The following GARIN2 variants were observed in gnomAD, a reference collection of about 807,000 sequenced individuals.
The protein encoded by GARIN2 is Golgi-associated RAB2 interactor protein 2.
chr14:67,203,003 T>C, the GARIN2 span: 1 of 1,340,514 alleles, frequency 7.5e-7, no homozygotes, highest in Non-Finnish European at 1.0e-6. Flanking sequence ...CCTCCTTTAT[T>C]TCCTACCCTC....
the GARIN2 span, chr14:67,200,151 C>T: frequency 8.7e-7 from 1 of 1,151,562 alleles, no homozygotes; most frequent in Non-Finnish European, 1.2e-6. Flanking sequence ...CCATGGGTCA[C>T]CCAGGTCCTA....
chr14:67,208,497 T>G, the GARIN2 span: 1 of 1,574,606 alleles, frequency 6.4e-7, no homozygotes, highest in South Asian at 1.2e-5. Flanking sequence ...CATGAAATAT[T>G]AATAAAGAAA....
chr14:67,218,081 G>A, the GARIN2 span, among the ~76,000 whole-genome samples: 1 of 152,178 alleles, frequency 6.6e-6, no homozygotes, highest in Admixed American at 6.5e-5. Context: ...TAGAGAGTTT[G>A]TGGCATCAGT....
the GARIN2 span, chr14:67,208,425 C>T: frequency 6.1e-5 from 99 of 1,613,752 alleles, no homozygotes; most frequent in Non-Finnish European, 7.9e-5. Flanking sequence ...TTTCAGAGCA[C>T]AGCTCTCAAG....
At chr14:67,209,646 C>T in the GARIN2 span, among the ~76,000 whole-genome samples, 1 of 150,540 alleles carries the variant, frequency 6.6e-6, no homozygotes, top group Non-Finnish European at 1.5e-5. Context: ...GGTGAAACCC[C>T]GTCTCTACTA....
At chr14:67,193,579 ATATAGATATAGATATATATC>A in the GARIN2 span, among the ~76,000 whole-genome samples, 1 of 145,260 alleles carries the variant, frequency 6.9e-6, no homozygotes, top group African/African-American at 2.5e-5. Context: ...ATAGATCTAT[ATATAGATATAGATATATATC>A]TATAGATATA....
the GARIN2 span, chr14:67,204,784 A>G: frequency 3.1e-6 from 5 of 1,613,874 alleles, no homozygotes; most frequent in South Asian, 2.2e-5. Flanking sequence ...CACAGGCTCC[A>G]TGGATGTGAC....
the GARIN2 span, among the ~76,000 whole-genome samples, chr14:67,214,611 C>T: frequency 1.3e-5 from 2 of 152,066 alleles, no homozygotes; most frequent in African/African-American, 4.8e-5. Flanking sequence ...GTGCCTCCAG[C>T]TTTGTTCTTT....
At chr14:67,225,455 C>T in the GARIN2 span, among the ~76,000 whole-genome samples, 1 of 152,166 alleles carries the variant, frequency 6.6e-6, no homozygotes, top group African/African-American at 2.4e-5. Context: ...CAAAAGATAA[C>T]ATCAGCACAG....
At chr14:67,193,156 C>A in the GARIN2 span, among the ~76,000 whole-genome samples, 1 of 142,490 alleles carries the variant, frequency 7.0e-6, no homozygotes, top group South Asian at 2.3e-4. Flanking sequence ...CTATATATCT[C>A]TATATAGACA....
the GARIN2 span, among the ~76,000 whole-genome samples, chr14:67,190,333 C>T: frequency 2.5e-4 from 38 of 151,732 alleles, no homozygotes; most frequent in African/African-American, 7.7e-4. Context: ...AAGCCATTCT[C>T]GTGCCTCAGC....
chr14:67,216,216 G>A, the GARIN2 span, among the ~76,000 whole-genome samples: 4 of 151,934 alleles, frequency 2.6e-5, no homozygotes, highest in Non-Finnish European at 5.9e-5. Context: ...TCCTTGTGTT[G>A]TACAGTTCTG....
the GARIN2 span, among the ~76,000 whole-genome samples, chr14:67,211,951 G>A: frequency 6.6e-6 from 1 of 152,134 alleles, no homozygotes; most frequent in African/African-American, 2.4e-5. Flanking sequence ...TCTCAAAAAC[G>A]AACATTAAAT....
At chr14:67,215,679 C>G in the GARIN2 span, among the ~76,000 whole-genome samples, 1 of 152,078 alleles carries the variant, frequency 6.6e-6, no homozygotes, top group Non-Finnish European at 1.5e-5. Flanking sequence ...GTGAGTATGA[C>G]TTTATTAGAA....
At chr14:67,203,012 T>C in the GARIN2 span, 1 of 1,402,188 alleles carries the variant, frequency 7.1e-7, no homozygotes, top group Non-Finnish European at 9.7e-7. Context: ...TTTCCTACCC[T>C]CTCTTACACT....
the GARIN2 span, among the ~76,000 whole-genome samples, chr14:67,213,359 C>A: frequency 7.5e-6 from 1 of 134,192 alleles, no homozygotes; most frequent in Admixed American, 8.2e-5. Flanking sequence ...GTTCCCCTTC[C>A]TGTGTCCATG....
chr14:67,193,390 G>GATATATCTAGATATATATCT, the GARIN2 span, among the ~76,000 whole-genome samples: 1 of 132,916 alleles, frequency 7.5e-6, no homozygotes, highest in Non-Finnish European at 1.6e-5. Flanking sequence ...GATATATCTA[G>GATATATCTAGATATATATCT]ATATATCTAG....
At chr14:67,222,944 A>G in the GARIN2 span, among the ~76,000 whole-genome samples, 6 of 151,356 alleles carry the variant, frequency 4.0e-5, no homozygotes, top group South Asian at 1.3e-3. Flanking sequence ...ACAGCAAATC[A>G]TTATAGAATA....
the GARIN2 span, among the ~76,000 whole-genome samples, chr14:67,222,452 T>C: frequency 6.6e-6 from 1 of 152,116 alleles, no homozygotes; most frequent in East Asian, 1.9e-4. Flanking sequence ...CCACCACGCC[T>C]AACTAAATTT....
Sources: gnomAD v4.1 joint callset for allele counts (sites outside exome capture counted in the v4.1 genomes callset) on GRCh38, gnomAD v4.1.1 for gene constraint, MANE v1.5 for transcripts, NCBI Gene and HGNC (gene_info 2026-07-23, HGNC 2026-07-21) for gene names.